The following SMARCD3 variants were observed in gnomAD, a reference collection of about 807,000 sequenced individuals.
SMARCD3 encodes the protein SWI/SNF-related matrix-associated actin-dependent regulator of chromatin subfamily D member 3.
In SMARCD3, 14 loss-of-function variants were observed where a neutral mutation model predicts 58.0. That is an observed-to-expected ratio of 0.24 (90% CI 0.16 to 0.38). The LOEUF is 0.38. Among genes scored for constraint, SMARCD3 ranks in the 10% least tolerant of loss-of-function variants. The probability of loss-of-function intolerance (pLI) is 1.00; values close to 1 mark genes in which losing one functional copy is unlikely to be tolerated. For synonymous variants in SMARCD3, 253 were observed against 253.8 expected (o/e 1.00, Z 0.03); for missense variants, 408 against 636.9 (o/e 0.64, Z 3.87).
chr7:151,257,664 G>A (rs776167768), intron 2 of SMARCD3, among the ~76,000 whole-genome samples: 6 of 152,038 alleles, frequency 3.9e-5, no homozygotes, highest in South Asian at 2.1e-4. Context: ...ATTTCCTCCC[G>A]TGGAGGGAGG....
chr7:151,242,444 C>A lies in SMARCD3; in HGVS notation c.579+37G>T. On this transcript the variant is annotated intron_variant, in intron 5 of 12. Transcript: ENST00000262188. This position sits in a 1 kb window ranked among gnomAD's most constrained non-coding sequence, Gnocchi z 4.7. ...CTGTTCTCAGTGCAGCCCATGCCCACCCCAGGACACCTGGAGAGACCTGGG... is the reference window on the plus strand; with the variant it reads ...CTGTTCTCAGTGCAGCCCATGCCCAACCCAGGACACCTGGAGAGACCTGGG... The A allele has an allele frequency of 2.5e-6, 4 of 1,606,524 alleles. No homozygotes were observed. The Admixed American group carries it at 6.7e-5, about 27-fold the overall frequency.
chr7:151,264,633 T>C (rs1466548019), intron 2 of SMARCD3, among the ~76,000 whole-genome samples: 1 of 152,168 alleles, frequency 6.6e-6, no homozygotes, highest in African/African-American at 2.4e-5. Context: ...GCAGGCCACC[T>C]CCTTCTCCCT....
chr7:151,266,264 C>A (rs1733980647), intron 2 of SMARCD3, among the ~76,000 whole-genome samples: 1 of 151,912 alleles, frequency 6.6e-6, no homozygotes, highest in African/African-American at 2.4e-5. Context: ...GCCACCGCAC[C>A]CGGCCATTTT....
intron 2 of SMARCD3, among the ~76,000 whole-genome samples, chr7:151,261,479 T>C (rs538389023): frequency 6.6e-6 from 1 of 152,272 alleles, no homozygotes; most frequent in African/African-American, 2.4e-5. Flanking sequence ...GAGCCTCAAT[T>C]TCCCCATCTG....
In SMARCD3 at chr7:151,240,093, C is replaced by T. The variant is rs537971554; in HGVS notation, c.1173+19G>A. The T allele has an allele frequency of 6.2e-7, 1 of 1,613,752 alleles. No individual in the cohort carries two copies. The highest frequency in any genetic ancestry group is 8.5e-7 in the Non-Finnish European group (1 of 1,179,976). ...TCTCTGGGTTAATGTCCCACTCCAG[C>T]TCTGGGCTTGGGCCCCACCTTACTG... is the stretch of plus-strand genomic sequence containing the variant. On this transcript the variant is annotated intron_variant, in intron 10 of 12. Coordinates refer to ENST00000262188, the MANE Select transcript of SMARCD3 (RefSeq NM_001003801.2).
chr7:151,248,781 G>A, upstream of SMARCD3: 1 of 804,612 alleles, frequency 1.2e-6, no homozygotes, highest in Non-Finnish European at 1.6e-6. This position sits in a 1 kb window ranked among gnomAD's most constrained non-coding sequence, Gnocchi z 6.1. Context: ...CGCCGCGGCT[G>A]CCGCATTCCT....
In SMARCD3 at chr7:151,239,910, G is replaced by C. The variant is rs1802873481; in HGVS notation, c.1174-164C>G. Among the ~76,000 whole-genome samples, 1 of 151,656 alleles carries C rather than the reference G, an allele frequency of 6.6e-6. No homozygotes were observed. Among genetic ancestry groups the C allele is most frequent in the South Asian group, 2.1e-4 (1 of 4,806 alleles). Reference sequence around the variant, plus strand: ...GTCCCAGGGGAGGAGGGGATGGGCAGAACTAAACTTGGAATGAGGTTCAGC... The same window carrying C: ...GTCCCAGGGGAGGAGGGGATGGGCACAACTAAACTTGGAATGAGGTTCAGC... On this transcript the variant is annotated intron_variant, in intron 10 of 12. Transcript: ENST00000262188. The surrounding 1 kb of genome is among the most constrained non-coding windows in gnomAD (Gnocchi z 7.0).
intron 1 of SMARCD3, among the ~76,000 whole-genome samples, chr7:151,275,993 G>A (rs1212491179): frequency 6.6e-6 from 1 of 152,064 alleles, no homozygotes; most frequent in African/African-American, 2.4e-5. Context: ...GATCAATCCT[G>A]AGCAGGGTTG....
upstream of SMARCD3, among the ~76,000 whole-genome samples, chr7:151,251,471 G>T (rs955952300): frequency 1.3e-5 from 2 of 152,190 alleles, no homozygotes; most frequent in Non-Finnish European, 2.9e-5. Context: ...GCTTTTAGGT[G>T]GGCGACAGGA....
chr7:151,238,883 G>C lies in SMARCD3; in HGVS notation c.*220C>G. 1 of 1,302,150 alleles carries C rather than the reference G, an allele frequency of 7.7e-7. No individual in the cohort carries two copies. The highest frequency in any genetic ancestry group is 2.5e-5 in the East Asian group (1 of 39,718). 80.7% of individuals were successfully genotyped at this position (1,302,150 alleles called of 1,614,324 possible). On this transcript the variant is annotated 3_prime_UTR_variant, in exon 13 of 13. Transcript: ENST00000262188. The stretch of plus-strand genomic sequence containing the variant: ...AGAATCCAAGGGAAGGGAATGGGGA[G>C]TCGTCCCGAGGGACCCACTGCCTCC...
At position 151,242,459 on chromosome 7, in the gene SMARCD3, A is replaced by G; in HGVS notation, c.579+22T>C. ...CCCATGCCCACCCCAGGACACCTGG[A>G]GAGACCTGGGCCGGGACGTACATCA... On this transcript the variant is annotated intron_variant, in intron 5 of 12. Transcript: ENST00000262188. The surrounding 1 kb of genome is among the most constrained non-coding windows in gnomAD (Gnocchi z 4.7). 2 of 1,610,182 alleles carry G rather than the reference A, an allele frequency of 1.2e-6. No individual in the cohort carries two copies. Among genetic ancestry groups the G allele is most frequent in the Non-Finnish European group, 1.7e-6 (2 of 1,178,816 alleles).
chr7:151,241,604 T>C lies in SMARCD3; in HGVS notation c.827A>G (p.His276Arg). 1 of 1,611,608 alleles carries C rather than the reference T, an allele frequency of 6.2e-7. No homozygotes were observed. Among genetic ancestry groups the C allele is most frequent in the Non-Finnish European group, 8.5e-7 (1 of 1,178,864 alleles). The change falls in exon 8 of 13, where the codon CAC (histidine) becomes CGC (arginine). Residue 276 changes from histidine (H) to arginine (R), a missense_variant. By Grantham distance (29) the His-to-Arg change is conservative (BLOSUM62 0). This residue lies in a region of SMARCD3 where 115 missense variants were observed against 257.2 expected (regional missense o/e 0.45). Coordinates refer to ENST00000262188, the MANE Select transcript of SMARCD3 (RefSeq NM_001003801.2). The surrounding 1 kb of genome is among the most constrained non-coding windows in gnomAD (Gnocchi z 5.3). ...DPRLARLLGL[H>R]TQSRSAIVQA... The stretch of plus-strand genomic sequence containing the variant: ...GACAATGGCTGAGCGGCTCTGTGTG[T>C]GCAGCCCCAGCAGCCGGGCTAGGCG...
upstream of SMARCD3, among the ~76,000 whole-genome samples, chr7:151,251,068 A>G (rs1179723434): frequency 6.6e-6 from 1 of 152,016 alleles, no homozygotes; most frequent in Non-Finnish European, 1.5e-5. Context: ...AAGACAGCAG[A>G]GGAGATGCTG....
At position 151,268,143 on chromosome 7, in the gene SMARCD3, G is replaced by A. The variant is rs570378854; in HGVS notation, c.39+6971C>T. Among the ~76,000 whole-genome samples the A allele has an allele frequency of 1.4e-4, 22 of 152,314 alleles. No homozygotes were observed. The East Asian group carries it at 2.1e-3, about 15-fold the overall frequency. On this transcript the variant is annotated intron_variant, in intron 2 of 13. Coordinates refer to the SMARCD3 transcript ENST00000356800. ...AAGGAAAGCTCAAGGTGAGTGTTACGAACTGGGCAGGGCAGATAGGTTTTG... is the reference window on the plus strand; with the variant it reads ...AAGGAAAGCTCAAGGTGAGTGTTACAAACTGGGCAGGGCAGATAGGTTTTG...
intron 2 of SMARCD3, among the ~76,000 whole-genome samples, chr7:151,268,109 G>A (rs1367109998): frequency 2.0e-5 from 3 of 152,226 alleles, no homozygotes; most frequent in East Asian, 1.9e-4. Flanking sequence ...CAGGGGACAA[G>A]TGGCAGGCAA....
In SMARCD3 at chr7:151,239,301, C is replaced by T; in HGVS notation, c.1398+95G>A. 1 of 1,312,716 alleles carries T rather than the reference C, an allele frequency of 7.6e-7. No individual in the cohort carries two copies. The highest frequency in any genetic ancestry group is 1.1e-6 in the Non-Finnish European group (1 of 908,244). The allele number at this position is 1,312,716 out of a possible 1,614,324, so 81.3% of individuals were successfully genotyped here. ...GGTGAGGCAGCGTGGTGAAGCTTTA[C>T]TGTGGGGAGCTGCGAGGGCTGCCCA... On this transcript the variant is annotated intron_variant, in intron 12 of 12. Coordinates refer to ENST00000262188, the MANE Select transcript of SMARCD3 (RefSeq NM_001003801.2). This position sits in a 1 kb window ranked among gnomAD's most constrained non-coding sequence, Gnocchi z 7.0.
chr7:151,249,769 C>T (rs1317042879), upstream of SMARCD3, among the ~76,000 whole-genome samples: 1 of 150,048 alleles, frequency 6.7e-6, no homozygotes, highest in African/African-American at 2.4e-5. The surrounding 1 kb of genome is among the most constrained non-coding windows in gnomAD (Gnocchi z 4.8). Context: ...TGGGGTGTGG[C>T]GTGGGGTGGC....
At position 151,272,003 on chromosome 7, in the gene SMARCD3, C is replaced by T. The variant is rs188649176; in HGVS notation, c.39+3111G>A. ...TATTTCCTGAAGGTAGCAATGCATT[C>T]CTCTAGTTGCTCCAAATTTTAAGTT... On this transcript the variant is annotated intron_variant, in intron 2 of 13. Coordinates refer to the SMARCD3 transcript ENST00000356800. 7.2e-5 allele frequency among the ~76,000 whole-genome samples: 11 copies of T among 152,264 alleles called. No homozygotes were observed. In the East Asian group the frequency reaches 1.3e-3, roughly 19 times the overall value.
At chr7:151,262,303 A>G (rs1309588357) in intron 2 of SMARCD3, among the ~76,000 whole-genome samples, 1 of 152,138 alleles carries the variant, frequency 6.6e-6, no homozygotes, top group Non-Finnish European at 1.5e-5. Flanking sequence ...GCTGATCACC[A>G]ACTCCTGGGC....
Sources: allele counts gnomAD v4.1 joint callset (sites outside exome capture counted in the v4.1 genomes callset), GRCh38; gene constraint gnomAD v4.1.1; regional missense constraint gnomAD v4.1.1; non-coding constraint Gnocchi (gnomAD v3.1); transcripts MANE v1.5; gene names NCBI Gene and HGNC (gene_info 2026-07-23, HGNC 2026-07-21).